The following ESPL1 variants were observed in gnomAD, a reference collection of about 807,000 sequenced individuals.
ESPL1 encodes separin.
ESPL1 carries 50 observed loss-of-function variants against 217.2 expected under a neutral mutation model. The ratio of observed to expected loss-of-function variants is 0.23; its 90% CI spans 0.18 to 0.29. The LOEUF is 0.29. Ranked by LOEUF, ESPL1 falls within the 10% of genes least tolerant of loss-of-function variation. The pLI is 1.00. For synonymous variants in ESPL1, 994 were observed against 1,081.3 expected, an observed-to-expected ratio of 0.92 and a Z score of 1.58; for missense variants, 1,834 against 2,603.0, an observed-to-expected ratio of 0.70 and a Z score of 6.43.
intron 7 of ESPL1, 53 bp from the exon 8 acceptor site, chr12:53,276,567 G>A: frequency 6.6e-7 from 1 of 1,517,162 alleles, no homozygotes. Context: ...GCAGGTAGCA[G>A]AGGCTTTATG....
intron 12 of ESPL1, among the ~76,000 whole-genome samples, chr12:53,280,522 C>G (rs1228969298): frequency 2.0e-5 from 3 of 152,106 alleles, no homozygotes; most frequent in Non-Finnish European, 2.9e-5. Flanking sequence ...GTACATGCCA[C>G]CACACCTGGC....
intron 24 of ESPL1, 43 bp downstream of exon 24, chr12:53,290,512 C>T (rs925581221): frequency 1.5e-5 from 24 of 1,605,984 alleles, no homozygotes; most frequent in Non-Finnish European, 1.9e-5. Context: ...CTAGGAATGA[C>T]CCGGGGGGTC....
intron 18 of ESPL1, chr12:53,287,141 C>T: frequency 2.5e-6 from 1 of 408,040 alleles, no homozygotes; most frequent in East Asian, 4.3e-5. Context: ...GGCGCAATCT[C>T]AGCTCACTGC....
chr12:53,290,849 C>T lies in ESPL1; in HGVS notation c.5373C>T (p.Ile1791=), dbSNP rs772026894. ...LALDHRMEVL[I]ASLEKSVLGC... ...CTGCCCTCTGCATTCAGGTTCTCAT[C>T]GCTTCCCTAGAGAAGTCTGTGCTGG... Residue 1791 remains isoleucine (I), a synonymous_variant, in exon 25 of 31, where the codon ATC becomes ATT. Coordinates refer to ENST00000257934, the MANE Select transcript of ESPL1 (RefSeq NM_012291.5). The T allele has an allele frequency of 8.7e-6, 14 of 1,608,072 alleles. No homozygotes were observed. Among genetic ancestry groups the T allele is most frequent in the African/African-American group, 1.3e-5 (1 of 74,866 alleles).
intron 6 of ESPL1, among the ~76,000 whole-genome samples, chr12:53,273,569 T>G (rs1592479161): frequency 1.3e-5 from 2 of 150,686 alleles, no homozygotes; most frequent in African/African-American, 2.4e-5. Flanking sequence ...GACCAGCCTG[T>G]CCAACATGGT....
At chr12:53,283,334 G>T (rs1943895280) in intron 15 of ESPL1, 48 bp from the exon 16 acceptor site, 2 of 1,612,580 alleles carry the variant, frequency 1.2e-6, no homozygotes, top group African/African-American at 1.3e-5. Flanking sequence ...TTCTCCAGAG[G>T]ATCCACACTG....
Position 53,269,500 on chromosome 12 carries a change from G to A in ESPL1, c.558G>A (p.Glu186=). Residue 186 remains glutamate (E), a synonymous_variant, in exon 3 of 31, where the codon GAG becomes GAA. Transcript: ENST00000257934. The surrounding 1 kb of genome is among the most constrained non-coding windows in gnomAD (Gnocchi z 6.7). The part of the protein sequence containing the change: ...VLLEDESTPC[E]VPHFASPTAC... ...TGGAGGATGAAAGTACCCCTTGTGA[G>A]GTTCCTCACTTTGCTTCTCCAACAG... 1 of 1,614,218 alleles carries A rather than the reference G, an allele frequency of 6.2e-7. No individual in the cohort carries two copies. Among genetic ancestry groups the A allele is most frequent in the Non-Finnish European group, 8.5e-7 (1 of 1,180,040 alleles).
At position 53,282,151 on chromosome 12, in the gene ESPL1, A is replaced by G. The variant is rs897917535; in HGVS notation, c.2620-113A>G. 1.2e-6 allele frequency: 1 copy of G among 840,994 alleles called. No homozygotes were observed. Among genetic ancestry groups the G allele is most frequent in the Admixed American group, 2.3e-5 (1 of 44,278 alleles). The allele number at this position is 840,994 out of a possible 1,614,324, so 52.1% of individuals were successfully genotyped here. A position where few individuals can be genotyped will look rare whatever the true frequency, so the allele number is the denominator to read the frequency against. On this transcript the variant is annotated intron_variant, in intron 13 of 30. Coordinates refer to ENST00000257934, the MANE Select transcript of ESPL1 (RefSeq NM_012291.5). This position sits in a 1 kb window ranked among gnomAD's most constrained non-coding sequence, Gnocchi z 4.0. Reference sequence around the variant, plus strand: ...AGGCAAATATTCAGAAAATTCTAAAATCTTTCTAATACCCAGGGCCTTCAG... The same window carrying G: ...AGGCAAATATTCAGAAAATTCTAAAGTCTTTCTAATACCCAGGGCCTTCAG...
intron 17 of ESPL1, among the ~76,000 whole-genome samples, 163 bp downstream of exon 17, chr12:53,284,330 C>CCCTGCCT (rs1943910547): frequency 6.6e-6 from 1 of 152,144 alleles, no homozygotes; most frequent in Non-Finnish European, 1.5e-5. Context: ...TCACTGCAAC[C>CCCTGCCT]CCTGCCTCCT....
At position 53,284,103 on chromosome 12, in the gene ESPL1, C is replaced by T. The variant is rs1414341312; in HGVS notation, c.3123C>T (p.Arg1041=). 5 of 1,613,960 alleles carry T rather than the reference C, an allele frequency of 3.1e-6. No individual in the cohort carries two copies. In the South Asian group the frequency reaches 4.4e-5, roughly 14 times the overall value. ...LVLKGELELA[R]NDIDLCQSDL... ...TGAAGGGCGAGCTGGAGCTGGCCCG[C>T]AATGACATTGATCTCTGTCAGTCGG... Residue 1041 remains arginine (R), a synonymous_variant, in exon 17 of 31, where the codon CGC becomes CGT. Coordinates refer to ENST00000257934, the MANE Select transcript of ESPL1 (RefSeq NM_012291.5).
rs1565765298 is a variant in ESPL1, at chr12:53,290,355, G to A, written c.5250G>A (p.Leu1750=). 1 of 1,612,862 alleles carries A rather than the reference G, an allele frequency of 6.2e-7. No homozygotes were observed. Among genetic ancestry groups the A allele is most frequent in the Non-Finnish European group, 8.5e-7 (1 of 1,180,018 alleles). ...AGCCCCATCTCCCAAAGCTTCATCT[G>A]CGTTCAGTCCTGAATGAGTTTGATG... is the stretch of plus-strand genomic sequence containing the variant. The part of the protein sequence containing the change: ...QIPTGQNKLH[L]RSVLNEFDAI... The change falls in exon 24 of 31, where the codon CTG becomes CTA. Residue 1750 remains leucine (L), a synonymous_variant. Coordinates refer to ENST00000257934, the MANE Select transcript of ESPL1 (RefSeq NM_012291.5).
chr12:53,269,833 G>T lies in ESPL1; in HGVS notation c.891G>T (p.Gly297=), dbSNP rs768578932. 9.9e-6 allele frequency: 16 copies of T among 1,614,096 alleles called. No individual in the cohort carries two copies. The highest frequency in any genetic ancestry group is 1.3e-5 in the African/African-American group (1 of 74,932). ...CTAGCCTTCAGCTATGTCAGCTGGG[G>T]GTTAAGCTGCTGCAGGTTGGGGAGG... ...LAPSLQLCQL[G]VKLLQVGEEG... Residue 297 remains glycine, a synonymous_variant, in exon 3 of 31, where the codon GGG becomes GGT. Transcript: ENST00000257934. The surrounding 1 kb of genome is among the most constrained non-coding windows in gnomAD (Gnocchi z 6.7).
chr12:53,279,641 A>G, intron 11 of ESPL1, 91 bp from the exon 12 acceptor site: 2 of 1,520,752 alleles, frequency 1.3e-6, no homozygotes, highest in Non-Finnish European at 1.8e-6. Context: ...AGGTCAAACT[A>G]CAGTCCAAGG....
rs1943623598 is a variant in ESPL1 at position 53,269,323 on chromosome 12, C to T, written c.381C>T (p.Cys127=). 2 of 1,614,188 alleles carry T rather than the reference C, an allele frequency of 1.2e-6. No individual in the cohort carries two copies. Residue 127 remains cysteine (C), a synonymous_variant, in exon 3 of 31, where the codon TGC becomes TGT. Coordinates refer to ENST00000257934, the MANE Select transcript of ESPL1 (RefSeq NM_012291.5). This position sits in a 1 kb window ranked among gnomAD's most constrained non-coding sequence, Gnocchi z 6.7. ...TLRLAQPLHA[C]LVQCSREAAP... is the part of the protein sequence containing the mutation. Reference sequence around the variant, plus strand: ...GCCTTGCTCAGCCCCTCCATGCCTGCTTGGTGCAGTGCTCTCGCGAGGCTG... The same window carrying T: ...GCCTTGCTCAGCCCCTCCATGCCTGTTTGGTGCAGTGCTCTCGCGAGGCTG...
chr12:53,268,651 A>C, intron 1 of ESPL1, 104 bp from the exon 2 acceptor site: 1 of 666,670 alleles, frequency 1.5e-6, no homozygotes. Context: ...CCCCGATGAA[A>C]TTTCTGATGT....
chr12:53,292,165 A>G lies in ESPL1; in HGVS notation c.5796+77A>G, dbSNP rs189872415. The G allele has an allele frequency of 1.1e-4, 153 of 1,418,418 alleles. 1 individual carries two copies. The East Asian group carries it at 3.0e-3, about 28-fold the overall frequency. The allele number at this position is 1,418,418 out of a possible 1,614,324, so 87.9% of individuals were successfully genotyped here. ...CAACAAAGAAGGGCAGAGAAACCTG[A>G]GAAGATAGGAGAGGGTCCTAGGAAT... On this transcript the variant is annotated intron_variant, in intron 27 of 30. Coordinates refer to ENST00000257934, the MANE Select transcript of ESPL1 (RefSeq NM_012291.5). This position sits in a 1 kb window ranked among gnomAD's most constrained non-coding sequence, Gnocchi z 4.5.
chr12:53,289,656 T>C, intron 22 of ESPL1, 62 bp downstream of exon 22: 1 of 1,435,310 alleles, frequency 7.0e-7, no homozygotes. Context: ...ACTTGGGAGC[T>C]GGGTGAAGGA....
intron 7 of ESPL1, among the ~76,000 whole-genome samples, chr12:53,276,325 T>C (rs1472587680): frequency 6.6e-6 from 1 of 151,752 alleles, no homozygotes; most frequent in African/African-American, 2.4e-5. Context: ...ATGCTGGGGG[T>C]AGTAGAATAG....
In ESPL1 at chr12:53,279,870, A is replaced by T; in HGVS notation, c.2499+4A>T. On this transcript the variant is annotated splice_donor_region_variant and intron_variant, in intron 12 of 30. Transcript: ENST00000257934. Reference sequence around the variant, plus strand: ...CGGCTGTCCCAGCTATGCCCAGGTGAGTGCCCAACCAGCCTAGTCTGGGGA... The same window carrying T: ...CGGCTGTCCCAGCTATGCCCAGGTGTGTGCCCAACCAGCCTAGTCTGGGGA... 1 of 1,581,862 alleles carries T rather than the reference A, an allele frequency of 6.3e-7. No individual in the cohort carries two copies. Among genetic ancestry groups the T allele is most frequent in the Middle Eastern group, 1.7e-4 (1 of 5,910 alleles).
Sources: gnomAD v4.1 joint callset for allele counts (sites outside exome capture counted in the v4.1 genomes callset) on GRCh38, gnomAD v4.1.1 for gene constraint, Gnocchi (gnomAD v3.1) non-coding constraint, MANE v1.5 for transcripts, NCBI Gene and HGNC (gene_info 2026-07-23, HGNC 2026-07-21) for gene names.